The following PON1 variants were observed in gnomAD, a reference collection of about 807,000 sequenced individuals.
PON1 encodes the protein paraoxonase 1.
PON1 carries 37 observed loss-of-function variants against 39.2 expected under a neutral mutation model. The ratio of observed to expected loss-of-function variants is 0.94; its 90% CI spans 0.73 to 1.24. PON1 has a LOEUF of 1.24. Ranked by LOEUF, PON1 falls within the 50% of genes most tolerant of loss-of-function variation. The pLI is 0.00. For synonymous variants in PON1, 148 were observed against 152.2 expected, an observed-to-expected ratio of 0.97 and a Z score of 0.21; for missense variants, 397 against 413.5, an observed-to-expected ratio of 0.96 and a Z score of 0.35.
chr7:95,322,353 T>C (rs929824498), intron 1 of PON1, among the ~76,000 whole-genome samples: 2 of 83,836 alleles, frequency 2.4e-5, no homozygotes, highest in African/African-American at 1.3e-4. Flanking sequence ...TGTGTGTGTA[T>C]ATATATATAT....
In PON1 at chr7:95,308,103, C is replaced by T; in HGVS notation, c.606G>A (p.Trp202Ter). Residue 202 changes from tryptophan to a stop codon, truncating the protein, a stop_gained, in exon 6 of 9, where the codon TGG (tryptophan) becomes TGA (stop). Coordinates refer to ENST00000222381, the MANE Select transcript of PON1 (RefSeq NM_000446.7). LOFTEE classifies it high-confidence loss of function. ...TTGGACTATAGTAGACAACATACGA[C>T]CACGCTAAACCCAAATACATCTCCC... Reference protein sequence around the residue: ...QSWEMYLGLAWSYVVYYSPSE... With the variant: ...QSWEMYLGLA 2 of 1,614,102 alleles carry T rather than the reference C, an allele frequency of 1.2e-6. No homozygotes were observed. Among genetic ancestry groups the T allele is most frequent in the Non-Finnish European group, 1.7e-6 (2 of 1,180,006 alleles).
In PON1 at chr7:95,316,755, A is replaced by C. The variant is rs35431117; in HGVS notation, c.180T>G (p.Asn60Lys). The C allele has an allele frequency of 1.2e-6, 2 of 1,613,496 alleles. No homozygotes were observed. Among genetic ancestry groups the C allele is most frequent in the African/African-American group, 2.7e-5 (2 of 74,908 alleles). ...TGSEDLEILPNGLAFISSGLK... is the reference protein window; with the variant it reads ...TGSEDLEILPKGLAFISSGLK... Reference sequence around the variant, plus strand: ...TCACAGAGCTAATGAAAGCCAGTCCATTAGGCAGTATCTCCAAGTCTTCAG... The same window carrying C: ...TCACAGAGCTAATGAAAGCCAGTCCCTTAGGCAGTATCTCCAAGTCTTCAG... The change falls in exon 3 of 9, where the codon AAT becomes AAG. Residue 60 changes from asparagine (N) to lysine (K), a missense_variant. Transcript: ENST00000222381.
chr7:95,299,815 T>C (rs1346096438), intron 8 of PON1, among the ~76,000 whole-genome samples: 2 of 152,088 alleles, frequency 1.3e-5, no homozygotes, highest in Non-Finnish European at 2.9e-5. Flanking sequence ...CCTTTACATA[T>C]ATATATATCC....
At chr7:95,305,596 G>A (rs1224387746) in intron 7 of PON1, among the ~76,000 whole-genome samples, 1 of 152,134 alleles carries the variant, frequency 6.6e-6, no homozygotes, top group African/African-American at 2.4e-5. Flanking sequence ...AGCAGGAAAG[G>A]CGAGGGAAAA....
chr7:95,308,137 A>G lies in PON1; in HGVS notation c.572T>C (p.Leu191Ser), dbSNP rs1807579868. The G allele has an allele frequency of 3.7e-6, 6 of 1,614,174 alleles. No individual in the cohort carries two copies. Among genetic ancestry groups the G allele is most frequent in the Non-Finnish European group, 4.2e-6 (5 of 1,180,002 alleles). ...TNDHYFLDPY[L>S]QSWEMYLGLA... The stretch of plus-strand genomic sequence containing the variant: ...ACCCAAATACATCTCCCAGGATTGT[A>G]AGTAGGGGTCAAGAAAATAGTGATC... The change falls in exon 6 of 9, where the codon TTA becomes TCA. Residue 191 changes from leucine to serine, a missense_variant. Leu to Ser is a moderately radical substitution (Grantham distance 145). Transcript: ENST00000222381.
At chr7:95,306,655 C>T (rs1585693972) in intron 6 of PON1, among the ~76,000 whole-genome samples, 2 of 152,118 alleles carry the variant, frequency 1.3e-5, no homozygotes, top group East Asian at 1.9e-4. Context: ...TGCATTACAG[C>T]GTTTCTCTTT....
chr7:95,308,599 A>C (rs897236223), intron 5 of PON1, among the ~76,000 whole-genome samples: 12 of 152,124 alleles, frequency 7.9e-5, no homozygotes, highest in African/African-American at 2.9e-4. Flanking sequence ...ATGTGCTCAC[A>C]TATCTGGGCT....
At chr7:95,302,367 A>ATAAAG (rs766896819) in intron 7 of PON1, 34 bp from the exon 8 acceptor site, 3 of 1,584,404 alleles carry the variant, frequency 1.9e-6, no homozygotes, top group East Asian at 4.5e-5. Flanking sequence ...AGAACAAGAC[A>ATAAAG]TAAAGTAAAA....
At chr7:95,309,313 T>G (rs1466766297) in intron 5 of PON1, among the ~76,000 whole-genome samples, 1 of 103,952 alleles carries the variant, frequency 9.6e-6, no homozygotes, top group Non-Finnish European at 1.9e-5. Context: ...TATTACAACA[T>G]GAAAAAAAAA....
intron 1 of PON1, among the ~76,000 whole-genome samples, chr7:95,321,731 A>G (rs146326133): frequency 2.0e-5 from 3 of 152,026 alleles, no homozygotes; most frequent in Non-Finnish European, 4.4e-5. Context: ...ATTTGCTCAC[A>G]CTTTTCCCTT....
At chr7:95,302,065 C>G in intron 8 of PON1, 140 bp downstream of exon 8, 2 of 899,070 alleles carry the variant, frequency 2.2e-6, no homozygotes, top group Non-Finnish European at 3.2e-6. Flanking sequence ...CCACTGCACT[C>G]CAGCCTGGGC....
At chr7:95,321,653 G>A (rs555092137) in intron 1 of PON1, among the ~76,000 whole-genome samples, 3 of 152,324 alleles carry the variant, frequency 2.0e-5, no homozygotes, top group Non-Finnish European at 4.4e-5. Context: ...AGAGGGTAGA[G>A]TTGGGATTTG....
At chr7:95,308,591 G>A (rs986716137) in intron 5 of PON1, among the ~76,000 whole-genome samples, 3 of 151,948 alleles carry the variant, frequency 2.0e-5, no homozygotes, top group Non-Finnish European at 4.4e-5. Flanking sequence ...GGGCAAAAAT[G>A]TGCTCACATA....
At chr7:95,304,646 T>C (rs934665814) in intron 7 of PON1, among the ~76,000 whole-genome samples, 1 of 152,216 alleles carries the variant, frequency 6.6e-6, no homozygotes, top group Non-Finnish European at 1.5e-5. Context: ...ACTTCATTCC[T>C]TTTTAAGGCT....
chr7:95,315,593 C>T, intron 3 of PON1, 103 bp from the exon 4 acceptor site: 1 of 1,211,792 alleles, frequency 8.3e-7, no homozygotes, highest in Non-Finnish European at 1.2e-6. Flanking sequence ...CTCCAAACCA[C>T]AGGGCTAGCC....
At chr7:95,322,557 C>T (rs1217076780) in intron 1 of PON1, among the ~76,000 whole-genome samples, 2 of 152,076 alleles carry the variant, frequency 1.3e-5, no homozygotes, top group East Asian at 1.9e-4. Flanking sequence ...AGAAATGCAT[C>T]GAGAGGCCCA....
In PON1 at chr7:95,315,341, A is replaced by G; in HGVS notation, c.351T>C (p.Ile117=). Residue 117 remains isoleucine, a synonymous_variant, in exon 4 of 9, where the codon ATT becomes ATC. Transcript: ENST00000222381. The stretch of plus-strand genomic sequence containing the variant: ...TGTTACCTTCATCTGTGAATGTGCT[A>G]ATCCCATGAGGGTTAAATGAAGATA... ...FDVSSFNPHG[I]STFTDEDNAM... is the part of the protein sequence containing the mutation. 6.2e-7 allele frequency: 1 copy of G among 1,613,452 alleles called. No homozygotes were observed. Among genetic ancestry groups the G allele is most frequent in the African/African-American group, 1.3e-5 (1 of 75,016 alleles).
Position 95,298,997 on chromosome 7 carries a change from C to T in PON1, c.1015G>A (p.Gly339Arg), listed in dbSNP as rs1418308760. The T allele has an allele frequency of 1.9e-6, 3 of 1,614,054 alleles. No homozygotes were observed. Among genetic ancestry groups the T allele is most frequent in the Non-Finnish European group, 2.5e-6 (3 of 1,180,028 alleles). ...AACACTGTGCCAATCAGCAGTTTCC[C>T]TTTGTACACAGAGGCAACTGTACTG... ...QGSTVASVYK[G>R]KLLIGTVFHK... The change falls in exon 9 of 9, where the codon GGG becomes AGG. Residue 339 changes from glycine (G) to arginine (R), a missense_variant. Gly to Arg is a moderately radical substitution (Grantham distance 125, BLOSUM62 -2). Transcript: ENST00000222381.
At chr7:95,320,506 A>C (rs941624718) in intron 1 of PON1, among the ~76,000 whole-genome samples, 9 of 152,196 alleles carry the variant, frequency 5.9e-5, no homozygotes, top group Admixed American at 3.9e-4. Context: ...CCCGCGTTTA[A>C]TCCTCAAACA....
Sources: gnomAD v4.1 joint callset for allele counts (sites outside exome capture counted in the v4.1 genomes callset) on GRCh38, gnomAD v4.1.1 for gene constraint, MANE v1.5 for transcripts, NCBI Gene and HGNC (gene_info 2026-07-23, HGNC 2026-07-21) for gene names.